Variants in CFAP43 observed in about 807,000 individuals in gnomAD.
The protein encoded by CFAP43 is cilia and flagella associated protein 43, also known as cilia- and flagella-associated protein 43.
Under a neutral mutation model 218.9 loss-of-function variants are expected in CFAP43, and 155 were observed. That is an observed-to-expected ratio of 0.71 (90% CI 0.62 to 0.81). The LOEUF (loss-of-function observed/expected upper bound fraction) is 0.81, where lower values mean the gene tolerates loss of function less well. Ranked by LOEUF, CFAP43 falls within the 30% of genes least tolerant of loss-of-function variation. CFAP43 has a pLI of 0.00. For missense variants in CFAP43, 1,778 were observed against 1,954.3 expected, an observed-to-expected ratio of 0.91 and a Z score of 1.70; for synonymous variants, 645 against 681.3, an observed-to-expected ratio of 0.95 and a Z score of 0.83.
intron 19 of CFAP43, among the ~76,000 whole-genome samples, chr10:104,175,055 C>T (rs763912431): frequency 3.5e-5 from 5 of 141,400 alleles, no homozygotes; most frequent in African/African-American, 1.4e-4. Flanking sequence ...AGCGAGACTC[C>T]ATCTAAAACA....
chr10:104,165,129 G>A (rs766192770), intron 23 of CFAP43, among the ~76,000 whole-genome samples: 13 of 152,168 alleles, frequency 8.5e-5, no homozygotes, highest in Admixed American at 5.2e-4. Flanking sequence ...ACCATTCTCA[G>A]GTAGGAAAGA....
At position 104,149,379 on chromosome 10, in the gene CFAP43, T is replaced by C. The variant is rs190954297; in HGVS notation, c.3661-1381A>G. Among the ~76,000 whole-genome samples, 138 of 152,320 alleles carry C rather than the reference T, an allele frequency of 9.1e-4. 1 individual carries two copies. The highest frequency in any genetic ancestry group is 3.2e-3 in the African/African-American group (132 of 41,574). ...TGGTTTTAGTTTCCCTTTTCACTTA[T>C]TAATTGAAATACTTTTATAAAGAGA... On this transcript the variant is annotated intron_variant, in intron 28 of 37. Coordinates refer to ENST00000357060, the MANE Select transcript of CFAP43 (RefSeq NM_025145.7).
Position 104,168,771 on chromosome 10 carries a change from C to A in CFAP43, c.2664G>T (p.Ser888=), listed in dbSNP as rs776722704. The A allele has an allele frequency of 7.4e-6, 12 of 1,613,936 alleles. No individual in the cohort carries two copies. The highest frequency in any genetic ancestry group is 1.0e-5 in the Non-Finnish European group (12 of 1,179,984). ...TAAGAGCTCGACCTTTCACAGCCATCGAATTCCAACATTCTTCTTTGATAA... is the reference window on the plus strand; with the variant it reads ...TAAGAGCTCGACCTTTCACAGCCATAGAATTCCAACATTCTTCTTTGATAA... ...AELIKEECWN[S]MAVKGRALKC... is the part of the protein sequence containing the mutation. Residue 888 remains serine (S), a synonymous_variant, in exon 21 of 38, where the codon TCG becomes TCT. Transcript: ENST00000357060.
chr10:104,162,527 C>T lies in CFAP43; in HGVS notation c.3247-124G>A, dbSNP rs12253189. On this transcript the variant is annotated intron_variant, in intron 24 of 37. Coordinates refer to ENST00000357060, the MANE Select transcript of CFAP43 (RefSeq NM_025145.7). ...TTAAAGGGACTCTGCAGACTTTGCA[C>T]CCAATTTTCTGTTTTGGAATAAGAT... 6,065 of 777,048 alleles carry T rather than the reference C, an allele frequency of 7.8e-3. 250 individuals carry two copies. The African/African-American group carries it at 0.09, about 11-fold the overall frequency. The allele number at this position is 777,048 out of a possible 1,614,324, so 48.1% of individuals were successfully genotyped here.
intron 4 of CFAP43, among the ~76,000 whole-genome samples, chr10:104,213,951 TAAGGAC>T (rs1344711403): frequency 1.3e-5 from 2 of 152,162 alleles, no homozygotes; most frequent in Non-Finnish European, 2.9e-5. Flanking sequence ...TTTAAAATAG[TAAGGAC>T]AAATAAAATT....
chr10:104,162,681 AAAG>A (rs1404937896), intron 24 of CFAP43, among the ~76,000 whole-genome samples: 3 of 152,120 alleles, frequency 2.0e-5, no homozygotes, highest in African/African-American at 7.2e-5. Flanking sequence ...AGGGGGGCTC[AAAG>A]AAGTGCCATC....
chr10:104,158,146 T>C (rs976333447), intron 27 of CFAP43, among the ~76,000 whole-genome samples: 7 of 152,106 alleles, frequency 4.6e-5, no homozygotes, highest in African/African-American at 1.4e-4. Flanking sequence ...CTAATAAATA[T>C]AAATGATAAA....
At chr10:104,229,671 T>G (rs1362946337) in intron 2 of CFAP43, among the ~76,000 whole-genome samples, 2 of 151,922 alleles carry the variant, frequency 1.3e-5, no homozygotes, top group African/African-American at 2.4e-5. Context: ...TAAAATAAAA[T>G]AAATAAAATA....
At chr10:104,219,199 G>A (rs923827104) in intron 3 of CFAP43, among the ~76,000 whole-genome samples, 2 of 150,578 alleles carry the variant, frequency 1.3e-5, no homozygotes, top group East Asian at 3.9e-4. Flanking sequence ...CAAGTCACAC[G>A]CAACTCTGGA....
chr10:104,132,171 G>A lies in CFAP43; in HGVS notation c.4622C>T (p.Ala1541Val), dbSNP rs2087226878. The A allele has an allele frequency of 6.2e-7, 1 of 1,603,074 alleles. No homozygotes were observed. Among genetic ancestry groups the A allele is most frequent in the Non-Finnish European group, 8.5e-7 (1 of 1,175,418 alleles). ...QKYLNEPNYE[A>V]LISIQIGIME... Reference sequence around the variant, plus strand: ...TATTCCAATCTGAATACTAATCAGAGCCTCATAGTTTGGTTCATTTAGGTA... The same window carrying A: ...TATTCCAATCTGAATACTAATCAGAACCTCATAGTTTGGTTCATTTAGGTA... The change falls in exon 36 of 38, where the codon GCT becomes GTT. Residue 1541 changes from alanine to valine, a missense_variant. Physicochemically the swap from Ala to Val is moderately conservative, Grantham distance 64. This residue lies in a region of CFAP43 where 211 missense variants were observed against 230.6 expected (regional missense o/e 0.91). Coordinates refer to ENST00000357060, the MANE Select transcript of CFAP43 (RefSeq NM_025145.7).
At chr10:104,218,149 C>T (rs975394403) in intron 3 of CFAP43, among the ~76,000 whole-genome samples, 1 of 151,914 alleles carries the variant, frequency 6.6e-6, no homozygotes, top group East Asian at 1.9e-4. Flanking sequence ...GAGATTGAGA[C>T]CATCCTGGCT....
At chr10:104,147,272 T>A in intron 29 of CFAP43, among the ~76,000 whole-genome samples, 1 of 151,600 alleles carries the variant, frequency 6.6e-6, no homozygotes. Flanking sequence ...CATATGCTGT[T>A]TAATAGGCTC....
chr10:104,232,108 G>A (rs2091465372), intron 1 of CFAP43, 74 bp downstream of exon 1: 18 of 1,511,728 alleles, frequency 1.2e-5, no homozygotes, highest in Non-Finnish European at 1.5e-5. Context: ...ACCGGAGGGA[G>A]AGGAGGGAGG....
At chr10:104,181,980 T>A (rs1049409802) in intron 17 of CFAP43, among the ~76,000 whole-genome samples, 1 of 152,220 alleles carries the variant, frequency 6.6e-6, no homozygotes, top group Non-Finnish European at 1.5e-5. Flanking sequence ...AGCCTAGCAC[T>A]CTGTAGGCAC....
chr10:104,132,247 A>T, intron 35 of CFAP43, 51 bp from the exon 36 acceptor site: 1 of 1,280,626 alleles, frequency 7.8e-7, no homozygotes, highest in Non-Finnish European at 1.1e-6. Flanking sequence ...CTTTCAATAG[A>T]TGACTTTATA....
intron 4 of CFAP43, 123 bp from the exon 5 acceptor site, chr10:104,212,280 T>C (rs1457722813): frequency 1.1e-6 from 1 of 905,370 alleles, no homozygotes; most frequent in African/African-American, 1.7e-5. Context: ...AATAAGAAGA[T>C]AAAAGCCAAA....
At position 104,162,030 on chromosome 10, in the gene CFAP43, T is replaced by C; in HGVS notation, c.3345A>G (p.Thr1115=). 2 of 1,613,090 alleles carry C rather than the reference T, an allele frequency of 1.2e-6. No homozygotes were observed. Among genetic ancestry groups the C allele is most frequent in the East Asian group, 4.5e-5 (2 of 44,880 alleles). ...TCATGTCCATCAGAGCTCGGAGTCT[T>C]GTACTGGCATCCTGGGAAAGAGCCA... ...EHWLLIQDAS[T]RLRALMDMMG... Residue 1115 remains threonine, a synonymous_variant, in exon 26 of 38, where the codon ACA becomes ACG. Transcript: ENST00000357060.
chr10:104,218,339 CTG>C (rs2091077326), intron 3 of CFAP43, among the ~76,000 whole-genome samples: 1 of 111,628 alleles, frequency 9.0e-6, no homozygotes, highest in Admixed American at 1.2e-4. Flanking sequence ...CAGAGTGAGA[CTG>C]TGTCTCAAAA....
At chr10:104,216,133 C>T (rs182663870) in intron 3 of CFAP43, among the ~76,000 whole-genome samples, 107 of 152,068 alleles carry the variant, frequency 7.0e-4, no homozygotes, top group African/African-American at 2.3e-3. Context: ...CTAAAGTCAC[C>T]GCCATGGCTT....
Sources: gnomAD v4.1 joint callset for allele counts (sites outside exome capture counted in the v4.1 genomes callset) on GRCh38, gnomAD v4.1.1 for gene constraint, gnomAD v4.1.1 regional missense constraint, MANE v1.5 for transcripts, NCBI Gene and HGNC (gene_info 2026-07-23, HGNC 2026-07-21) for gene names.